HNF4A: variants seen among roughly 807,000 people sequenced by gnomAD.
HNF4A encodes hepatocyte nuclear factor 4-alpha.
HNF4A carries 15 observed loss-of-function variants against 52.4 expected under a neutral mutation model. The observed-to-expected ratio is 0.29, with a 90% CI of 0.19 to 0.44. The LOEUF (loss-of-function observed/expected upper bound fraction) is 0.44, where lower values mean the gene tolerates loss of function less well. Among genes scored for constraint, HNF4A ranks in the 20% least tolerant of loss-of-function variants. HNF4A has a pLI of 1.00. For missense variants in HNF4A, 479 were observed against 647.2 expected (o/e 0.74, Z 2.82); for synonymous variants, 280 against 264.4 (o/e 1.06, Z -0.57).
intron 5 of HNF4A, among the ~76,000 whole-genome samples, chr20:44,415,878 G>A (rs1376239469): frequency 2.6e-5 from 4 of 152,050 alleles, no homozygotes; most frequent in Non-Finnish European, 4.4e-5. Flanking sequence ...AAGGATCTTG[G>A]ACAATCCGCC....
At chr20:44,405,095 T>TGCTTGTGCGTAGCGTGTGTGC (rs2063481024) in intron 1 of HNF4A, among the ~76,000 whole-genome samples, 1 of 15,092 alleles carries the variant, frequency 6.6e-5, no homozygotes, top group South Asian at 1.7e-3. Flanking sequence ...TGCGTGTGTG[T>TGCTTGTGCGTAGCGTGTGTGC]GCTTGTGCGT....
At chr20:44,371,377 AAGTAATTCTC>A (rs2063032271) in intron 1 of HNF4A, among the ~76,000 whole-genome samples, 1 of 152,188 alleles carries the variant, frequency 6.6e-6, no homozygotes, top group Non-Finnish European at 1.5e-5. Context: ...TCCCAGGTTC[AAGTAATTCTC>A]CTGCCTCAGC....
chr20:44,367,304 C>T (rs144656808), intron 1 of HNF4A, among the ~76,000 whole-genome samples: 2,072 of 146,708 alleles, frequency 0.014, 25 homozygotes, highest in African/African-American at 0.043. Context: ...CATTGCACTC[C>T]AGCCTGGGCA....
At chr20:44,386,235 C>T (rs1214525805) in intron 1 of HNF4A, among the ~76,000 whole-genome samples, 1 of 148,826 alleles carries the variant, frequency 6.7e-6, no homozygotes, top group East Asian at 2.0e-4. Context: ...TGGCACGATC[C>T]CGGCTCACCA....
At chr20:44,384,923 C>G (rs930499604) in intron 1 of HNF4A, among the ~76,000 whole-genome samples, 8 of 151,992 alleles carry the variant, frequency 5.3e-5, no homozygotes, top group African/African-American at 1.9e-4. Context: ...GTGTGATGAT[C>G]CCCCAGAAAG....
At chr20:44,376,939 C>T (rs941955254) in intron 1 of HNF4A, among the ~76,000 whole-genome samples, 7 of 151,922 alleles carry the variant, frequency 4.6e-5, no homozygotes, top group African/African-American at 1.5e-4. Flanking sequence ...CAGTGGCTCA[C>T]CTGTAATTCC....
At position 44,419,134 on chromosome 20, in the gene HNF4A, C is replaced by T. The variant is rs568808240; in HGVS notation, c.737-587C>T. 2.0e-5 allele frequency among the ~76,000 whole-genome samples: 3 copies of T among 152,312 alleles called. No homozygotes were observed. The East Asian group carries it at 5.8e-4, about 29-fold the overall frequency. ...GAGCAAGAGGTGGTTAAGAATGGCA[C>T]AAAGCCCCAGCCCGCGTCACCTGTG... On this transcript the variant is annotated intron_variant, in intron 6 of 9. Transcript: ENST00000316099.
chr20:44,403,502 G>A (rs186287277), intron 1 of HNF4A, among the ~76,000 whole-genome samples: 1 of 152,332 alleles, frequency 6.6e-6, no homozygotes, highest in Admixed American at 6.5e-5. Context: ...ATTCCTCACT[G>A]GAGTTTGAAG....
At chr20:44,357,205 C>T (rs1215792132) in intron 1 of HNF4A, among the ~76,000 whole-genome samples, 1 of 152,150 alleles carries the variant, frequency 6.6e-6, no homozygotes. Flanking sequence ...AAACCAACAG[C>T]CTGGGAACCC....
At position 44,432,822 on chromosome 20, in the gene HNF4A, A is replaced by C. The variant is rs1007887603; in HGVS notation, c.*3157A>C. 7.9e-5 allele frequency: 12 copies of C among 152,222 alleles called. No individual in the cohort carries two copies. The highest frequency in any genetic ancestry group is 3.9e-4 in the Admixed American group (6 of 15,278). The allele number at this position is 152,222 out of a possible 1,614,324, so 9.4% of individuals were successfully genotyped here. On this transcript the variant is annotated 3_prime_UTR_variant, in exon 10 of 10. Transcript: ENST00000316099. The stretch of plus-strand genomic sequence containing the variant: ...TTTTAACAAAAGTTTATAAAACAAA[A>C]TAAATGGCGCATATGTTTTCTAAGT...
rs779051589 is a variant in HNF4A at position 44,418,385 on chromosome 20, A to G, written c.649-40A>G. 1.9e-6 allele frequency: 3 copies of G among 1,568,828 alleles called. No individual in the cohort carries two copies. In the African/African-American group the frequency reaches 4.0e-5, roughly 21 times the overall value. On this transcript the variant is annotated intron_variant, in intron 5 of 9. Coordinates refer to ENST00000316099, the MANE Select transcript of HNF4A (RefSeq NM_000457.6). ...TGAGTTGGCTACGGGCAGCCTTCCCAAGGGTACAGATGGCAAACACTGTTC... is the reference window on the plus strand; with the variant it reads ...TGAGTTGGCTACGGGCAGCCTTCCCGAGGGTACAGATGGCAAACACTGTTC...
At chr20:44,403,555 T>C (rs1192783025) in intron 1 of HNF4A, among the ~76,000 whole-genome samples, 2 of 152,284 alleles carry the variant, frequency 1.3e-5, no homozygotes, top group East Asian at 3.9e-4. Flanking sequence ...CTGAAGTGTT[T>C]TGAGTACATC....
chr20:44,359,008 A>G (rs2062890194), intron 1 of HNF4A, among the ~76,000 whole-genome samples: 1 of 152,194 alleles, frequency 6.6e-6, no homozygotes, highest in Middle Eastern at 3.4e-3. Context: ...CATCGCTCTG[A>G]TCAGATAGTT....
chr20:44,422,744 G>A (rs2063763877), intron 7 of HNF4A, among the ~76,000 whole-genome samples: 4 of 150,656 alleles, frequency 2.7e-5, no homozygotes, highest in Admixed American at 1.3e-4. Flanking sequence ...CAGTGGCACC[G>A]TCTTGGCTCA....
chr20:44,378,584 A>G (rs1428961413), intron 1 of HNF4A, among the ~76,000 whole-genome samples: 2 of 151,980 alleles, frequency 1.3e-5, no homozygotes, highest in Admixed American at 6.6e-5. Context: ...TTTTAAACGT[A>G]CAGTTCAGAG....
rs112962251 is a variant in HNF4A, at chr20:44,387,231, C to T, written c.50-18827C>T. ...TGAACCTGGGAGGCGGAGGTTGCAGCAAGCCGAGATCGTGCCATTGCTCTC... is the reference window on the plus strand; with the variant it reads ...TGAACCTGGGAGGCGGAGGTTGCAGTAAGCCGAGATCGTGCCATTGCTCTC... On this transcript the variant is annotated intron_variant, in intron 1 of 9. Coordinates refer to the HNF4A transcript ENST00000316673. 8.1e-3 allele frequency among the ~76,000 whole-genome samples: 1,163 copies of T among 142,854 alleles called. 17 individuals carry two copies. The highest frequency in any genetic ancestry group is 0.029 in the African/African-American group (1,106 of 38,300). 93.7% of individuals were successfully genotyped at this position (142,854 alleles called of 152,430 possible).
chr20:44,427,909 A>G lies in HNF4A; in HGVS notation c.1130-426A>G, dbSNP rs1034977273. Among the ~76,000 whole-genome samples, 6 of 152,318 alleles carry G rather than the reference A, an allele frequency of 3.9e-5. No homozygotes were observed. The South Asian group carries it at 8.3e-4, about 21-fold the overall frequency. On this transcript the variant is annotated intron_variant, in intron 8 of 9. Coordinates refer to ENST00000316099, the MANE Select transcript of HNF4A (RefSeq NM_000457.6). ...AAAACACAGGGGACACATAGATGCTATAAGTAGGTCAGTTGGCTGCAGCAG... is the reference window on the plus strand; with the variant it reads ...AAAACACAGGGGACACATAGATGCTGTAAGTAGGTCAGTTGGCTGCAGCAG...
intron 1 of HNF4A, among the ~76,000 whole-genome samples, chr20:44,372,410 C>T (rs1482713328): frequency 1.3e-5 from 2 of 152,166 alleles, no homozygotes; most frequent in Admixed American, 6.6e-5. Context: ...TTTGGTGCCT[C>T]CACCCTGGTT....
Position 44,424,035 on chromosome 20 carries a change from G to A in HNF4A, c.910G>A (p.Asp304Asn), listed in dbSNP as rs145902391. Residue 304 changes from aspartate to asparagine, a missense_variant, in exon 8 of 10, where the codon GAT becomes AAT. Asp to Asn is a conservative substitution (Grantham distance 23). Coordinates refer to ENST00000316099, the MANE Select transcript of HNF4A (RefSeq NM_000457.6). ...CATTGTAGATGCCAAGGGGCTGAGCGATCCAGGGAAGATCAAGCGGCTGCG... is the reference window on the plus strand; with the variant it reads ...CATTGTAGATGCCAAGGGGCTGAGCAATCCAGGGAAGATCAAGCGGCTGCG... 6.8e-6 allele frequency: 11 copies of A among 1,612,938 alleles called. No homozygotes were observed. The highest frequency in any genetic ancestry group is 4.5e-5 in the East Asian group (2 of 44,862).
Sources: gnomAD v4.1 joint callset for allele counts (sites outside exome capture counted in the v4.1 genomes callset) on GRCh38, gnomAD v4.1.1 for gene constraint, MANE v1.5 for transcripts, NCBI Gene and HGNC (gene_info 2026-07-23, HGNC 2026-07-21) for gene names.